Variants in ATG13 observed in about 807,000 individuals in gnomAD.
ATG13 encodes the protein autophagy-related protein 13.
Under a neutral mutation model 65.5 loss-of-function variants are expected in ATG13, and 23 were observed. That is an observed-to-expected ratio of 0.35 (90% CI 0.25 to 0.50). ATG13 has a LOEUF of 0.50. Ranked by LOEUF, ATG13 falls within the 20% of genes least tolerant of loss-of-function variation. ATG13 has a pLI of 0.98. For synonymous variants in ATG13, 252 were observed against 245.2 expected, an observed-to-expected ratio of 1.03 and a Z score of -0.26; for missense variants, 566 against 677.0, an observed-to-expected ratio of 0.84 and a Z score of 1.82.
At chr11:46,637,652 T>C (rs1157956318) in intron 2 of ATG13, among the ~76,000 whole-genome samples, 1 of 152,134 alleles carries the variant, frequency 6.6e-6, no homozygotes, top group African/African-American at 2.4e-5. Context: ...ATCAAAACTA[T>C]TTTTCATATG....
chr11:46,669,325 C>G, intron 17 of ATG13, 79 bp from the exon 18 acceptor site: 1 of 1,532,456 alleles, frequency 6.5e-7, no homozygotes, highest in Non-Finnish European at 8.9e-7. Context: ...TTGATAATTG[C>G]TAGAAGGAAA....
chr11:46,670,790 T>G (rs1483637112), intron 18 of ATG13, among the ~76,000 whole-genome samples: 1 of 152,102 alleles, frequency 6.6e-6, no homozygotes, highest in East Asian at 1.9e-4. Flanking sequence ...CTAGCCTAGG[T>G]GACAGAGTGA....
At chr11:46,660,323 C>T (rs1165714094) in intron 11 of ATG13, among the ~76,000 whole-genome samples, 1 of 149,160 alleles carries the variant, frequency 6.7e-6, no homozygotes, top group Non-Finnish European at 1.5e-5. Context: ...GTTTCAACTT[C>T]TTATTTGGAG....
In ATG13 at chr11:46,620,453, G is replaced by A. The variant is rs534417862; in HGVS notation, c.-70+2563G>A. Among the ~76,000 whole-genome samples the A allele has an allele frequency of 1.4e-3, 215 of 151,976 alleles. 1 individual carries two copies. Among genetic ancestry groups the A allele is most frequent in the Non-Finnish European group, 1.5e-3 (103 of 67,964 alleles). On this transcript the variant is annotated intron_variant, in intron 1 of 18. Transcript: ENST00000683050. The stretch of plus-strand genomic sequence containing the variant: ...TGCCCTTGGTCATAAGAGAAGGGAT[G>A]AGAATGTGAATTACCACTGCTTAGA...
chr11:46,622,368 C>T (rs1007374071), intron 1 of ATG13, among the ~76,000 whole-genome samples: 3 of 151,714 alleles, frequency 2.0e-5, no homozygotes, highest in South Asian at 2.1e-4. Context: ...CCGCCTGCCT[C>T]GGTCTCCCAA....
intron 2 of ATG13, among the ~76,000 whole-genome samples, chr11:46,641,072 G>T (rs570607575): frequency 4.6e-5 from 7 of 152,146 alleles, no homozygotes; most frequent in Non-Finnish European, 7.4e-5. Flanking sequence ...ATCATCAGTA[G>T]AATTTTATTT....
chr11:46,644,438 T>C (rs2057000485), intron 3 of ATG13, 78 bp downstream of exon 3: 2 of 1,273,076 alleles, frequency 1.6e-6, no homozygotes, highest in Non-Finnish European at 2.2e-6. Context: ...CAACTCTCTT[T>C]GGAAAGTAGC....
chr11:46,657,071 C>G, intron 8 of ATG13, 24 bp from the exon 9 acceptor site: 1 of 1,579,124 alleles, frequency 6.3e-7, no homozygotes, highest in African/African-American at 1.3e-5. Flanking sequence ...GCAAAAGAAG[C>G]TAATAATGTA....
intron 2 of ATG13, among the ~76,000 whole-genome samples, chr11:46,635,224 T>A (rs2053546761): frequency 6.6e-6 from 1 of 152,022 alleles, no homozygotes; most frequent in Non-Finnish European, 1.5e-5. Flanking sequence ...CAGGCTGGTC[T>A]CGAACTCCTG....
At chr11:46,627,864 C>G (rs921234097) in intron 1 of ATG13, among the ~76,000 whole-genome samples, 2 of 151,970 alleles carry the variant, frequency 1.3e-5, no homozygotes, top group African/African-American at 4.8e-5. Context: ...GGGAGGATTG[C>G]TTGAGCCCAG....
At position 46,672,690 on chromosome 11, in the gene ATG13, C is replaced by T. The variant is rs1475456738; in HGVS notation, c.*358C>T. 2 of 1,367,792 alleles carry T rather than the reference C, an allele frequency of 1.5e-6. No homozygotes were observed. Among genetic ancestry groups the T allele is most frequent in the Admixed American group, 3.8e-5 (2 of 52,974 alleles). 84.7% of individuals were successfully genotyped at this position (1,367,792 alleles called of 1,614,324 possible). ...CCTCCTGCCTGGGCCTGCCTTGCAG[C>T]TGGCCCCTTCCCTGCCTGCTGTCAC... is the stretch of plus-strand genomic sequence containing the variant. On this transcript the variant is annotated 3_prime_UTR_variant, in exon 19 of 19. Coordinates refer to ENST00000683050, the MANE Select transcript of ATG13 (RefSeq NM_001346311.2).
chr11:46,653,636 C>G (rs2059382024), intron 7 of ATG13, among the ~76,000 whole-genome samples: 2 of 150,470 alleles, frequency 1.3e-5, no homozygotes, highest in Non-Finnish European at 3.0e-5. Context: ...ATGGCACAAT[C>G]TCGGCTCACT....
intron 2 of ATG13, among the ~76,000 whole-genome samples, chr11:46,633,179 C>T (rs987691563): frequency 1.3e-5 from 2 of 150,306 alleles, no homozygotes; most frequent in Admixed American, 6.6e-5. Context: ...CGCCTGCCAC[C>T]ATGCCTGGCT....
rs371675087 is a variant in ATG13 at position 46,665,528 on chromosome 11, A to C, written c.1136+9A>C. On this transcript the variant is annotated intron_variant, in intron 14 of 18. Coordinates refer to ENST00000683050, the MANE Select transcript of ATG13 (RefSeq NM_001346311.2). ...GCCACACCCTCCAGTAGGTGAGTTC[A>C]CATTTTGGCTCTGTCTCTGGTAAGG... is the stretch of plus-strand genomic sequence containing the variant. 4.3e-6 allele frequency: 7 copies of C among 1,613,732 alleles called. No individual in the cohort carries two copies. Among genetic ancestry groups the C allele is most frequent in the Non-Finnish European group, 5.9e-6 (7 of 1,179,806 alleles).
At chr11:46,644,137 A>G (rs369477944) in intron 2 of ATG13, 142 bp from the exon 3 acceptor site, 5 of 524,996 alleles carry the variant, frequency 9.5e-6, no homozygotes, top group African/African-American at 5.9e-5. Context: ...TCACTTTGGT[A>G]TCTTTAGTTA....
At chr11:46,664,175 A>G in intron 12 of ATG13, 80 bp downstream of exon 12, 1 of 1,124,622 alleles carries the variant, frequency 8.9e-7, no homozygotes, top group Non-Finnish European at 1.3e-6. Context: ...TATAAGGTAC[A>G]GTTATTTAAA....
At chr11:46,624,860 C>CT (rs2048953108) in intron 1 of ATG13, among the ~76,000 whole-genome samples, 2 of 151,988 alleles carry the variant, frequency 1.3e-5, no homozygotes, top group Non-Finnish European at 2.9e-5. Flanking sequence ...TAGTGAGATG[C>CT]TGTCTTTACA....
chr11:46,623,926 T>C (rs1284052668), intron 1 of ATG13, among the ~76,000 whole-genome samples: 5 of 152,122 alleles, frequency 3.3e-5, no homozygotes, highest in Non-Finnish European at 7.4e-5. Flanking sequence ...TTATTCTTTT[T>C]TTTTTTTCTG....
chr11:46,673,705 G>A lies in ATG13; in HGVS notation c.*1373G>A, dbSNP rs2064216880. On this transcript the variant is annotated 3_prime_UTR_variant, in exon 19 of 19. Transcript: ENST00000683050. ...TGATTGACTTAACCCTTCAGGTATT[G>A]TTACTTGAATAAGTCAAGTGCCTAG... The A allele has an allele frequency of 6.6e-6, 1 of 152,222 alleles. No homozygotes were observed. Among genetic ancestry groups the A allele is most frequent in the Admixed American group, 6.5e-5 (1 of 15,282 alleles). 9.4% of individuals were successfully genotyped at this position (152,222 alleles called of 1,614,324 possible).
Sources: gnomAD v4.1 joint callset for allele counts (sites outside exome capture counted in the v4.1 genomes callset) on GRCh38, gnomAD v4.1.1 for gene constraint, MANE v1.5 for transcripts, NCBI Gene and HGNC (gene_info 2026-07-23, HGNC 2026-07-21) for gene names.